ATF2: variants seen among roughly 807,000 people sequenced by gnomAD.
ATF2 encodes the protein activating transcription factor 2.
Under a neutral mutation model 60.6 loss-of-function variants are expected in ATF2, and 24 were observed. The ratio of observed to expected loss-of-function variants is 0.40; its 90% confidence interval spans 0.29 to 0.56. The LOEUF is 0.56. Ranked by LOEUF, ATF2 falls within the 20% of genes least tolerant of loss-of-function variation. The pLI, the probability that ATF2 is intolerant of heterozygous loss-of-function variation, is 0.54. For synonymous variants in ATF2, 206 were observed against 215.4 expected (o/e 0.96, Z 0.38); for missense variants, 433 against 607.7 (o/e 0.71, Z 3.02).
chr2:175,157,991 C>CAAAAA (rs879887702), intron 1 of ATF2, among the ~76,000 whole-genome samples: 4 of 114,902 alleles, frequency 3.5e-5, no homozygotes, highest in African/African-American at 1.3e-4. Context: ...GACTCTGTCT[C>CAAAAA]AAAAAAAAAA....
intron 12 of ATF2, among the ~76,000 whole-genome samples, chr2:175,083,718 T>C (rs1158464493): frequency 6.6e-6 from 1 of 151,966 alleles, no homozygotes; most frequent in African/African-American, 2.4e-5. Flanking sequence ...ACCTACAAAA[T>C]GGAAGAAAAT....
At chr2:175,167,262 G>C (rs867141527) in intron 1 of ATF2, among the ~76,000 whole-genome samples, 1 of 151,944 alleles carries the variant, frequency 6.6e-6, no homozygotes. Context: ...CTGGTCCCTA[G>C]GGCATTGATG....
At chr2:175,162,672 A>T (rs1700097035) in intron 1 of ATF2, among the ~76,000 whole-genome samples, 2 of 152,234 alleles carry the variant, frequency 1.3e-5, no homozygotes, top group African/African-American at 2.4e-5. Context: ...GTTATACAAC[A>T]TGGAAAAATA....
intron 5 of ATF2, among the ~76,000 whole-genome samples, chr2:175,120,989 A>G (rs1453974393): frequency 6.6e-6 from 1 of 151,824 alleles, no homozygotes; most frequent in Non-Finnish European, 1.5e-5. Flanking sequence ...TTTTACTAAT[A>G]CAAATGTTTA....
At chr2:175,163,624 GA>G (rs903616188) in intron 1 of ATF2, among the ~76,000 whole-genome samples, 1 of 149,842 alleles carries the variant, frequency 6.7e-6, no homozygotes, top group African/African-American at 2.5e-5. Context: ...AAATGCCAAG[GA>G]AAAAAAATCA....
At chr2:175,139,260 C>G (rs1449289306) in intron 2 of ATF2, among the ~76,000 whole-genome samples, 1 of 152,102 alleles carries the variant, frequency 6.6e-6, no homozygotes, top group Non-Finnish European at 1.5e-5. Context: ...CAGTTGGATA[C>G]ATTTTAAAAA....
chr2:175,080,771 G>A lies in ATF2; in HGVS notation c.1186-6C>T. On this transcript the variant is annotated splice_region_variant and splice_polypyrimidine_tract_variant and intron_variant, in intron 12 of 13. Coordinates refer to ENST00000264110, the MANE Select transcript of ATF2 (RefSeq NM_001880.4). ...CTCAGCAGGGTGACTTCACTCTGGA[G>A]AAGAAACAACTTATGTACCTTACCA... 1 of 1,608,822 alleles carries A rather than the reference G, an allele frequency of 6.2e-7. No individual in the cohort carries two copies. The highest frequency in any genetic ancestry group is 8.5e-7 in the Non-Finnish European group (1 of 1,176,256).
chr2:175,139,627 C>T (rs1574463004), intron 2 of ATF2, among the ~76,000 whole-genome samples: 1 of 146,310 alleles, frequency 6.8e-6, no homozygotes, highest in South Asian at 2.1e-4. Flanking sequence ...GAGCTGAGAT[C>T]GTGCCACTGT....
chr2:175,130,573 C>T (rs936670239), intron 3 of ATF2, among the ~76,000 whole-genome samples: 1 of 152,058 alleles, frequency 6.6e-6, no homozygotes, highest in Non-Finnish European at 1.5e-5. Flanking sequence ...AATAATGTGG[C>T]AAAATCTCCA....
chr2:175,136,525 C>G, intron 2 of ATF2, 39 bp from the exon 3 acceptor site: 2 of 1,272,284 alleles, frequency 1.6e-6, no homozygotes, highest in Non-Finnish European at 2.3e-6. Context: ...AAAAATAGTT[C>G]TGAAACACTT....
At chr2:175,112,094 A>C (rs906234447) in intron 9 of ATF2, among the ~76,000 whole-genome samples, 1 of 152,236 alleles carries the variant, frequency 6.6e-6, no homozygotes, top group Non-Finnish European at 1.5e-5. Context: ...ATAATAACAA[A>C]TAACACACTG....
intron 2 of ATF2, among the ~76,000 whole-genome samples, chr2:175,147,083 C>T (rs1574481711): frequency 6.6e-6 from 1 of 152,062 alleles, no homozygotes; most frequent in Admixed American, 6.6e-5. Flanking sequence ...TAAAATTATA[C>T]TACAGTAGAA....
At chr2:175,161,504 T>C (rs1387539391) in intron 1 of ATF2, among the ~76,000 whole-genome samples, 1 of 152,212 alleles carries the variant, frequency 6.6e-6, no homozygotes, top group East Asian at 1.9e-4. Context: ...AGAGAGGTTA[T>C]ATAATTTACT....
At chr2:175,108,748 G>A (rs191963457) in intron 10 of ATF2, among the ~76,000 whole-genome samples, 44 of 152,112 alleles carry the variant, frequency 2.9e-4, no homozygotes, top group African/African-American at 1.0e-3. Context: ...GGGAAAGGTG[G>A]GGAAAAGATA....
chr2:175,167,838 C>A (rs900921796), intron 1 of ATF2: 7 of 416,520 alleles, frequency 1.7e-5, no homozygotes, highest in African/African-American at 1.4e-4. Flanking sequence ...TCCGGCCCAG[C>A]CAGTCAGGTT....
chr2:175,153,835 GAAA>G (rs71031093), intron 1 of ATF2, among the ~76,000 whole-genome samples: 1 of 129,012 alleles, frequency 7.8e-6, no homozygotes, highest in Non-Finnish European at 1.6e-5. Context: ...CTGCCTCAAA[GAAA>G]AAAAAAAAAA....
intron 1 of ATF2, among the ~76,000 whole-genome samples, chr2:175,162,753 T>C (rs186877573): frequency 1.4e-4 from 21 of 152,216 alleles, no homozygotes; most frequent in African/African-American, 4.8e-4. Flanking sequence ...ATGCACAAAC[T>C]AGAAGAAAAC....
At chr2:175,134,960 T>C (rs925834846) in intron 3 of ATF2, among the ~76,000 whole-genome samples, 4 of 143,684 alleles carry the variant, frequency 2.8e-5, no homozygotes, top group Non-Finnish European at 6.0e-5. Flanking sequence ...CCTGTGATTG[T>C]GCCACTGCAA....
intron 12 of ATF2, among the ~76,000 whole-genome samples, chr2:175,091,801 T>G (rs948291481): frequency 6.6e-6 from 1 of 152,206 alleles, no homozygotes; most frequent in Non-Finnish European, 1.5e-5. Flanking sequence ...AGCTGGAGGT[T>G]GCAGTGAGCC....
Sources: gnomAD v4.1 joint callset for allele counts (sites outside exome capture counted in the v4.1 genomes callset) on GRCh38, gnomAD v4.1.1 for gene constraint, MANE v1.5 for transcripts, NCBI Gene and HGNC (gene_info 2026-07-23, HGNC 2026-07-21) for gene names.